ATP2C1: variants seen among roughly 807,000 people sequenced by gnomAD.
ATP2C1 encodes the protein ATPase secretory pathway Ca2+ transporting 1.
ATP2C1 carries 31 observed loss-of-function variants against 120.5 expected under a neutral mutation model. That is an observed-to-expected ratio of 0.26 (90% CI 0.19 to 0.35). The LOEUF is 0.35. Among genes scored for constraint, ATP2C1 ranks in the 10% least tolerant of loss-of-function variants. ATP2C1 has a pLI of 1.00. For synonymous variants in ATP2C1, 351 were observed against 358.7 expected (o/e 0.98, Z 0.24); for missense variants, 731 against 1,107.5 (o/e 0.66, Z 4.83).
chr3:130,893,974 A>C (rs1292237146), upstream of ATP2C1: 1 of 985,560 alleles, frequency 1.0e-6, no homozygotes, highest in South Asian at 4.7e-5. Flanking sequence ...CACCTCTCTC[A>C]GCGGAAGTAA....
At chr3:130,883,082 T>C (rs2068838084) in intron 1 of ATP2C1, among the ~76,000 whole-genome samples, 1 of 152,238 alleles carries the variant, frequency 6.6e-6, no homozygotes, top group Non-Finnish European at 1.5e-5. Flanking sequence ...TAGGTTGTTA[T>C]GTGTCTAGGA....
chr3:131,003,547 A>C (rs2062986850), downstream of ATP2C1, among the ~76,000 whole-genome samples: 1 of 152,222 alleles, frequency 6.6e-6, no homozygotes, highest in Non-Finnish European at 1.5e-5. Flanking sequence ...AACAGTTCTG[A>C]AATGATCAAA....
At chr3:130,968,070 A>T (rs1367954115) in intron 16 of ATP2C1, among the ~76,000 whole-genome samples, 1 of 152,192 alleles carries the variant, frequency 6.6e-6, no homozygotes. Flanking sequence ...ATAAAGCAAG[A>T]GGCTTCTAAA....
At chr3:130,851,106 A>C (rs1427982637) in intron 1 of ATP2C1, among the ~76,000 whole-genome samples, 2 of 152,190 alleles carry the variant, frequency 1.3e-5, no homozygotes, top group African/African-American at 4.8e-5. Context: ...AATTTATTTA[A>C]ACTTGGAACA....
chr3:130,905,267 T>G (rs1054651023), intron 2 of ATP2C1, among the ~76,000 whole-genome samples: 1 of 152,084 alleles, frequency 6.6e-6, no homozygotes, highest in Admixed American at 6.6e-5. Flanking sequence ...ATGTTTTTAT[T>G]TTCTTATCTA....
chr3:130,878,460 ATT>A (rs1238415931), intron 1 of ATP2C1, among the ~76,000 whole-genome samples: 1 of 151,658 alleles, frequency 6.6e-6, no homozygotes, highest in Non-Finnish European at 1.5e-5. Flanking sequence ...TTTCTGTCTT[ATT>A]TTTGTATCTG....
chr3:130,923,882 AAGG>A (rs2059081172), intron 2 of ATP2C1, among the ~76,000 whole-genome samples: 1 of 151,492 alleles, frequency 6.6e-6, no homozygotes, highest in African/African-American at 2.4e-5. Context: ...AAAAAAAAAA[AAGG>A]ATAACTACCT....
intron 2 of ATP2C1, among the ~76,000 whole-genome samples, chr3:130,916,455 A>G (rs2058695834): frequency 6.6e-6 from 1 of 152,060 alleles, no homozygotes; most frequent in Non-Finnish European, 1.5e-5. Context: ...TGAGGTCGAA[A>G]CTATGATTTT....
intron 7 of ATP2C1, among the ~76,000 whole-genome samples, chr3:130,941,252 GTGTGTGTGTGTGTC>G (rs1553764219): frequency 2.8e-5 from 4 of 144,274 alleles, no homozygotes; most frequent in African/African-American, 8.4e-5. Flanking sequence ...GTGTGTGTGT[GTGTGTGTGTGTGTC>G]TGTGTGTGTG....
intron 1 of ATP2C1, among the ~76,000 whole-genome samples, chr3:130,879,768 T>A (rs1298122706): frequency 6.6e-6 from 1 of 152,210 alleles, no homozygotes; most frequent in East Asian, 1.9e-4. Flanking sequence ...TCTGGGTGGG[T>A]GCGATAGTAC....
rs150951998 is a variant in ATP2C1, at chr3:130,915,427, T to C, written c.7-14989T>C. On this transcript the variant is annotated intron_variant, in intron 2 of 27. Coordinates refer to ENST00000510168, the MANE Select transcript of ATP2C1 (RefSeq NM_001378687.1). ...TCTTAATTATAAGAATGTACAGTTTTTGTTTAGGGATATAGTGTTAGTTGA... is the reference window on the plus strand; with the variant it reads ...TCTTAATTATAAGAATGTACAGTTTCTGTTTAGGGATATAGTGTTAGTTGA... 4.8e-3 allele frequency among the ~76,000 whole-genome samples: 733 copies of C among 152,218 alleles called. 9 individuals carry two copies. Among genetic ancestry groups the C allele is most frequent in the African/African-American group, 0.017 (690 of 41,530 alleles).
chr3:130,968,527 T>G (rs1458291372), intron 16 of ATP2C1, among the ~76,000 whole-genome samples: 4 of 152,024 alleles, frequency 2.6e-5, no homozygotes, highest in Non-Finnish European at 5.9e-5. Context: ...TGAACTAAAG[T>G]AGAAGTAGAG....
intron 2 of ATP2C1, among the ~76,000 whole-genome samples, chr3:130,900,870 A>G (rs58618338): frequency 0.011 from 1,617 of 152,266 alleles, 39 homozygotes; most frequent in African/African-American, 0.037. Flanking sequence ...TATGTTATAT[A>G]TGAGATTTAT....
chr3:130,953,299 T>G (rs2060447742), intron 8 of ATP2C1, among the ~76,000 whole-genome samples: 1 of 152,120 alleles, frequency 6.6e-6, no homozygotes, highest in African/African-American at 2.4e-5. Flanking sequence ...CATTTTTGAG[T>G]CTTGCAAATT....
chr3:130,990,272 A>AC (rs71306204), intron 20 of ATP2C1, among the ~76,000 whole-genome samples: 41,109 of 101,828 alleles, frequency 0.4, 9,325 homozygotes, highest in South Asian at 0.53. Context: ...CTTAAGAGCA[A>AC]CCCCCCCCCC....
rs114834846 is a variant in ATP2C1 at position 130,971,142 on chromosome 3, T to C, written c.1413+1746T>C. Among the ~76,000 whole-genome samples, 731 of 152,374 alleles carry C rather than the reference T, an allele frequency of 4.8e-3. 6 individuals carry two copies. The highest frequency in any genetic ancestry group is 7.6e-3 in the Non-Finnish European group (515 of 68,032). ...GCAAGCATATGCATATGACTTTTTT[T>C]GATAGGTCTATTTCATTACATTTTG... is the stretch of plus-strand genomic sequence containing the variant. On this transcript the variant is annotated intron_variant, in intron 17 of 27. Transcript: ENST00000510168.
intron 2 of ATP2C1, chr3:130,919,061 C>T (rs1194489277): frequency 1.6e-5 from 8 of 495,558 alleles, no homozygotes; most frequent in Non-Finnish European, 3.2e-5. Context: ...ACCTCTTCTG[C>T]GTGGTGCACG....
intron 8 of ATP2C1, among the ~76,000 whole-genome samples, chr3:130,942,559 C>T (rs971720855): frequency 6.6e-5 from 10 of 152,128 alleles, no homozygotes; most frequent in Non-Finnish European, 1.2e-4. Context: ...CTCATAGATG[C>T]TGTAGAAGGC....
intron 14 of ATP2C1, 132 bp from the exon 15 acceptor site, chr3:130,967,013 A>T: frequency 1.3e-6 from 1 of 749,554 alleles, no homozygotes; most frequent in Non-Finnish European, 2.4e-6. Context: ...ATGCTTTTCT[A>T]GGTGAACACT....
Sources: allele counts gnomAD v4.1 joint callset (sites outside exome capture counted in the v4.1 genomes callset), GRCh38; gene constraint gnomAD v4.1.1; transcripts MANE v1.5; gene names NCBI Gene and HGNC (gene_info 2026-07-23, HGNC 2026-07-21).